SPATS2: variants seen among roughly 807,000 people sequenced by gnomAD.
SPATS2 encodes spermatogenesis associated serine rich 2.
In SPATS2, 38 loss-of-function variants were observed where a neutral mutation model predicts 63.7. That is an observed-to-expected ratio of 0.60 (90% CI 0.46 to 0.78). The LOEUF is 0.78. SPATS2 is among the 30% of genes least tolerant of loss of function. SPATS2 has a pLI of 0.00. For missense variants in SPATS2, 588 were observed against 666.2 expected (o/e 0.88, Z 1.29); for synonymous variants, 207 against 232.9 (o/e 0.89, Z 1.01).
At chr12:49,433,638 T>A (rs530739060) in intron 2 of SPATS2, among the ~76,000 whole-genome samples, 1 of 122,038 alleles carries the variant, frequency 8.2e-6, no homozygotes, top group East Asian at 1.9e-4. Flanking sequence ...GTTGGGTTTT[T>A]GTTGTTGTTG....
At chr12:49,394,374 G>C (rs1455869964) in intron 2 of SPATS2, among the ~76,000 whole-genome samples, 2 of 151,430 alleles carry the variant, frequency 1.3e-5, no homozygotes, top group African/African-American at 4.9e-5. Context: ...TAGTTTGCTG[G>C]ATTCTGCAAA....
At chr12:49,484,890 A>G (rs143713223) in intron 4 of SPATS2, among the ~76,000 whole-genome samples, 5,636 of 152,198 alleles carry the variant, frequency 0.037, 132 homozygotes, top group Non-Finnish European at 0.053. Flanking sequence ...ATCTCCATGT[A>G]TATTCATTCT....
intron 2 of SPATS2, among the ~76,000 whole-genome samples, chr12:49,411,574 A>C (rs1944798111): frequency 6.6e-6 from 1 of 152,222 alleles, no homozygotes; most frequent in Admixed American, 6.5e-5. Context: ...TCTAAAGCAG[A>C]ATACATACTT....
chr12:49,432,829 A>T (rs888814509), intron 2 of SPATS2, among the ~76,000 whole-genome samples: 2 of 152,170 alleles, frequency 1.3e-5, no homozygotes, highest in Admixed American at 6.5e-5. Flanking sequence ...CCTTTGATAG[A>T]CACCGGTTGC....
chr12:49,439,069 A>G (rs1446916088), intron 2 of SPATS2, among the ~76,000 whole-genome samples: 6 of 152,228 alleles, frequency 3.9e-5, no homozygotes, highest in African/African-American at 1.4e-4. Flanking sequence ...TGTATGTAGG[A>G]TGATTAGAGA....
intron 2 of SPATS2, among the ~76,000 whole-genome samples, chr12:49,391,405 G>C (rs1405835717): frequency 5.3e-5 from 8 of 152,114 alleles, no homozygotes; most frequent in Non-Finnish European, 1.0e-4. Flanking sequence ...CCAGCTACTC[G>C]GGAGGCTGAG....
intron 2 of SPATS2, among the ~76,000 whole-genome samples, chr12:49,424,841 A>G (rs1945044572): frequency 6.6e-6 from 1 of 151,900 alleles, no homozygotes; most frequent in African/African-American, 2.4e-5. Flanking sequence ...CACCACGCCC[A>G]GCTAATTTTT....
intron 9 of SPATS2, among the ~76,000 whole-genome samples, chr12:49,514,113 C>T (rs1441369973): frequency 6.6e-6 from 1 of 150,414 alleles, no homozygotes; most frequent in Non-Finnish European, 1.5e-5. Flanking sequence ...GCCAAGATCG[C>T]GCCACTGCAC....
At chr12:49,435,598 T>C (rs1490155399) in intron 2 of SPATS2, among the ~76,000 whole-genome samples, 1 of 150,950 alleles carries the variant, frequency 6.6e-6, no homozygotes, top group Non-Finnish European at 1.5e-5. Context: ...AGTGCTAGGA[T>C]AACAGGTGTG....
At chr12:49,500,703 C>T (rs370686828) in intron 9 of SPATS2, among the ~76,000 whole-genome samples, 11 of 151,754 alleles carry the variant, frequency 7.2e-5, no homozygotes, top group African/African-American at 2.7e-4. Context: ...ACCCGGGAGG[C>T]GGAGCTTGCA....
In SPATS2 at chr12:49,503,402, C is replaced by T. The variant is rs113929117; in HGVS notation, c.839+3197C>T. Among the ~76,000 whole-genome samples the T allele has an allele frequency of 7.5e-3, 1,137 of 151,138 alleles. 10 individuals carry two copies. Among genetic ancestry groups the T allele is most frequent in the African/African-American group, 0.026 (1,067 of 41,138 alleles). The stretch of plus-strand genomic sequence containing the variant: ...CGGTGGCTCATGCCTGTAATCCCAG[C>T]GCTTTGGGAGGCCGAGGCGGGTGGA... On this transcript the variant is annotated intron_variant, in intron 9 of 13. Coordinates refer to ENST00000552918, the MANE Select transcript of SPATS2 (RefSeq NM_023071.4).
intron 10 of SPATS2, among the ~76,000 whole-genome samples, chr12:49,518,556 T>TA: frequency 6.6e-6 from 1 of 152,126 alleles, no homozygotes; most frequent in Non-Finnish European, 1.5e-5. Context: ...TAAAAATAGC[T>TA]AAGGTAAAAG....
At chr12:49,488,246 T>C (rs1385797916) in intron 4 of SPATS2, among the ~76,000 whole-genome samples, 1 of 151,972 alleles carries the variant, frequency 6.6e-6, no homozygotes, top group African/African-American at 2.4e-5. Flanking sequence ...CGTTTTTCCA[T>C]GTTGGTCAGG....
intron 3 of SPATS2, among the ~76,000 whole-genome samples, chr12:49,483,168 A>C (rs1405247620): frequency 6.8e-6 from 1 of 147,394 alleles, no homozygotes; most frequent in Non-Finnish European, 1.5e-5. Context: ...GCTAGATAAG[A>C]GGCTAGTAAT....
chr12:49,425,696 C>G (rs942885956), intron 2 of SPATS2, among the ~76,000 whole-genome samples: 2 of 151,934 alleles, frequency 1.3e-5, no homozygotes, highest in African/African-American at 4.8e-5. Flanking sequence ...GTGGCACGAT[C>G]TCAGCTCACT....
At chr12:49,429,271 A>T (rs1945137087) in intron 2 of SPATS2, among the ~76,000 whole-genome samples, 1 of 152,204 alleles carries the variant, frequency 6.6e-6, no homozygotes, top group African/African-American at 2.4e-5. Flanking sequence ...TTTATTAAAA[A>T]AATTAATTGG....
chr12:49,511,007 G>A (rs1946744033), intron 9 of SPATS2, among the ~76,000 whole-genome samples: 1 of 152,026 alleles, frequency 6.6e-6, no homozygotes, highest in Non-Finnish European at 1.5e-5. Context: ...TTTGAGACCA[G>A]CCTGGCAACA....
At chr12:49,487,347 C>CA (rs984391796) in intron 4 of SPATS2, among the ~76,000 whole-genome samples, 4 of 152,010 alleles carry the variant, frequency 2.6e-5, no homozygotes, top group African/African-American at 9.7e-5. Flanking sequence ...AAAAATTAGC[C>CA]AGGCATGGTG....
At chr12:49,393,823 C>T (rs903026513) in intron 2 of SPATS2, among the ~76,000 whole-genome samples, 4 of 152,048 alleles carry the variant, frequency 2.6e-5, no homozygotes, top group East Asian at 1.9e-4. Context: ...CTTTCAATAG[C>T]AGGCCACCAT....
Sources: gnomAD v4.1 joint callset for allele counts (sites outside exome capture counted in the v4.1 genomes callset) on GRCh38, gnomAD v4.1.1 for gene constraint, MANE v1.5 for transcripts, NCBI Gene and HGNC (gene_info 2026-07-23, HGNC 2026-07-21) for gene names.